The following LRRC20 variants were observed in gnomAD, a reference collection of about 807,000 sequenced individuals.
LRRC20 encodes leucine rich repeat containing 20.
LRRC20 carries 11 observed loss-of-function variants against 14.4 expected under a neutral mutation model. The ratio of observed to expected loss-of-function variants is 0.77; its 90% CI spans 0.48 to 1.27. The LOEUF is 1.27. LRRC20 is among the 50% of genes most tolerant of loss of function. LRRC20 has a pLI of 0.00. For synonymous variants in LRRC20, 121 were observed against 107.3 expected (o/e 1.13, Z -0.79); for missense variants, 219 against 251.2 (o/e 0.87, Z 0.87).
At chr10:70,317,299 G>GGCTTCA (rs145020336) in intron 4 of LRRC20, among the ~76,000 whole-genome samples, 13 of 151,842 alleles carry the variant, frequency 8.6e-5, no homozygotes, top group African/African-American at 3.1e-4. Flanking sequence ...AGGGAGCCCT[G>GGCTTCA]GCTTCTGCTT....
chr10:70,378,256 C>T (rs1844580309), intron 1 of LRRC20, among the ~76,000 whole-genome samples: 1 of 152,148 alleles, frequency 6.6e-6, no homozygotes, highest in Non-Finnish European at 1.5e-5. Context: ...AGGAAATCTC[C>T]TCTTATTGCC....
chr10:70,328,562 GC>G (rs1564622572), intron 3 of LRRC20, among the ~76,000 whole-genome samples: 1 of 152,216 alleles, frequency 6.6e-6, no homozygotes, highest in African/African-American at 2.4e-5. Flanking sequence ...CTTCCAAAGT[GC>G]TAGGATTACA....
At chr10:70,311,321 T>C (rs1188527631) in intron 4 of LRRC20, among the ~76,000 whole-genome samples, 2 of 147,362 alleles carry the variant, frequency 1.4e-5, no homozygotes, top group African/African-American at 5.1e-5. Flanking sequence ...CTCCACCTCC[T>C]GGGTTCAAGT....
At chr10:70,321,227 T>C (rs1842064774) in intron 4 of LRRC20, among the ~76,000 whole-genome samples, 1 of 152,218 alleles carries the variant, frequency 6.6e-6, no homozygotes, top group African/African-American at 2.4e-5. Context: ...TTTCTACAAT[T>C]ATCCCAGTGA....
intron 3 of LRRC20, among the ~76,000 whole-genome samples, chr10:70,336,667 T>A (rs1412173046): frequency 1.3e-5 from 2 of 152,214 alleles, no homozygotes; most frequent in African/African-American, 2.4e-5. Flanking sequence ...TTCCCTTTTT[T>A]CCACTCTACC....
intron 3 of LRRC20, among the ~76,000 whole-genome samples, chr10:70,326,598 C>T (rs940238005): frequency 1.3e-5 from 2 of 152,206 alleles, no homozygotes; most frequent in African/African-American, 4.8e-5. Context: ...TCGCTTCACG[C>T]AAACCCAGGC....
At chr10:70,360,480 A>C (rs1843681265) in intron 2 of LRRC20, among the ~76,000 whole-genome samples, 1 of 151,854 alleles carries the variant, frequency 6.6e-6, no homozygotes, top group Non-Finnish European at 1.5e-5. Context: ...TCTATAGCCA[A>C]GGCTGGAGTG....
chr10:70,301,752 G>A (rs61172326), intron 4 of LRRC20, among the ~76,000 whole-genome samples: 7,184 of 152,256 alleles, frequency 0.047, 243 homozygotes, highest in African/African-American at 0.094. Flanking sequence ...AAAGTTAAAC[G>A]TAGGATTGCC....
chr10:70,307,799 T>G (rs1292597346), intron 4 of LRRC20, among the ~76,000 whole-genome samples: 1 of 152,244 alleles, frequency 6.6e-6, no homozygotes, highest in Non-Finnish European at 1.5e-5. Flanking sequence ...CTGAGCTTTC[T>G]CATCTGTAAA....
chr10:70,338,871 G>A (rs1443026729), intron 3 of LRRC20, among the ~76,000 whole-genome samples: 2 of 152,218 alleles, frequency 1.3e-5, no homozygotes, highest in African/African-American at 4.8e-5. Context: ...ATGTTGGTCA[G>A]GCTGATCTTG....
At chr10:70,340,449 G>A in intron 3 of LRRC20, 104 bp downstream of exon 3, 1 of 1,351,732 alleles carries the variant, frequency 7.4e-7, no homozygotes, top group Non-Finnish European at 1.0e-6. Flanking sequence ...TTTCATGGGT[G>A]TCGCTGACCA....
intron 2 of LRRC20, among the ~76,000 whole-genome samples, chr10:70,366,353 G>A (rs942353709): frequency 1.3e-5 from 2 of 151,804 alleles, no homozygotes; most frequent in Non-Finnish European, 2.9e-5. Flanking sequence ...AACCTGGGAG[G>A]CGGAGGTTTC....
chr10:70,337,614 C>T (rs1384931861), intron 3 of LRRC20, among the ~76,000 whole-genome samples: 2 of 152,148 alleles, frequency 1.3e-5, no homozygotes, highest in African/African-American at 2.4e-5. Flanking sequence ...CTTACTCATC[C>T]CACAAGGCTC....
intron 1 of LRRC20, chr10:70,382,348 T>A (rs1019376733): frequency 6.6e-5 from 10 of 152,370 alleles, no homozygotes; most frequent in African/African-American, 2.4e-4. Context: ...GCCGAGCCCC[T>A]TGGCACCGCC....
At chr10:70,352,269 T>C (rs1005998327) in intron 2 of LRRC20, among the ~76,000 whole-genome samples, 1 of 152,092 alleles carries the variant, frequency 6.6e-6, no homozygotes, top group Non-Finnish European at 1.5e-5. Flanking sequence ...TGAAACGCAA[T>C]ACCAATACTT....
intron 3 of LRRC20, among the ~76,000 whole-genome samples, chr10:70,329,125 C>T (rs181888969): frequency 6.6e-6 from 1 of 152,316 alleles, no homozygotes; most frequent in East Asian, 1.9e-4. Context: ...TCAGCACCTA[C>T]CACAGGGCAG....
intron 2 of LRRC20, among the ~76,000 whole-genome samples, chr10:70,374,856 G>A (rs1844450579): frequency 6.6e-6 from 1 of 152,142 alleles, no homozygotes; most frequent in Admixed American, 6.5e-5. Flanking sequence ...GCCATTTATT[G>A]AGCTCCCTAT....
intron 2 of LRRC20, among the ~76,000 whole-genome samples, chr10:70,374,361 T>G (rs1844424707): frequency 6.6e-6 from 1 of 151,178 alleles, no homozygotes; most frequent in Non-Finnish European, 1.5e-5. Context: ...CTTTTTTTTT[T>G]TTTTTTGAGA....
intron 2 of LRRC20, among the ~76,000 whole-genome samples, chr10:70,349,929 A>G (rs1393850846): frequency 6.6e-6 from 1 of 152,200 alleles, no homozygotes; most frequent in African/African-American, 2.4e-5. Context: ...CCCTAGATTC[A>G]GGTGGATGGA....
Sources: gnomAD v4.1 joint callset for allele counts (sites outside exome capture counted in the v4.1 genomes callset) on GRCh38, gnomAD v4.1.1 for gene constraint, MANE v1.5 for transcripts, NCBI Gene and HGNC (gene_info 2026-07-23, HGNC 2026-07-21) for gene names.